Variants in KSR2 observed in about 807,000 individuals in gnomAD.
KSR2 encodes kinase suppressor of ras 2.
In KSR2, 25 loss-of-function variants were observed where a neutral mutation model predicts 107.8. The observed-to-expected ratio is 0.23, with a 90% CI of 0.17 to 0.32. The LOEUF (loss-of-function observed/expected upper bound fraction) is 0.32. Ranked by LOEUF, KSR2 falls within the 10% of genes least tolerant of loss-of-function variation. The pLI is 1.00. For missense variants in KSR2, 887 were observed against 1,268.9 expected, an observed-to-expected ratio of 0.70 and a Z score of 4.57; for synonymous variants, 480 against 507.0, an observed-to-expected ratio of 0.95 and a Z score of 0.71.
intron 1 of KSR2, among the ~76,000 whole-genome samples, chr12:117,887,956 G>T (rs1894226243): frequency 1.3e-5 from 2 of 152,194 alleles, no homozygotes; most frequent in Admixed American, 1.3e-4. Context: ...TGTCTCAAGA[G>T]CAGGCTGCTC....
At chr12:117,953,774 A>C (rs1251134384) in intron 1 of KSR2, among the ~76,000 whole-genome samples, 1 of 152,218 alleles carries the variant, frequency 6.6e-6, no homozygotes, top group Non-Finnish European at 1.5e-5. Flanking sequence ...ACTTAAGGCC[A>C]ATGAATTATA....
chr12:117,913,051 A>G (rs565172240), intron 1 of KSR2, among the ~76,000 whole-genome samples: 1 of 152,170 alleles, frequency 6.6e-6, no homozygotes, highest in Admixed American at 6.6e-5. Flanking sequence ...CGGGGCAGGA[A>G]GCAGGAAGGT....
At chr12:117,585,096 G>A (rs1462994311) in intron 5 of KSR2, among the ~76,000 whole-genome samples, 2 of 152,170 alleles carry the variant, frequency 1.3e-5, no homozygotes, top group Non-Finnish European at 2.9e-5. Flanking sequence ...CCAGCATCTG[G>A]TGGGGAGAGA....
At chr12:117,574,054 T>G (rs139448307) in intron 7 of KSR2, among the ~76,000 whole-genome samples, 37 of 152,228 alleles carry the variant, frequency 2.4e-4, no homozygotes, top group Middle Eastern at 3.4e-3. Flanking sequence ...CTACTTCTAA[T>G]GTAGAGTGGT....
chr12:117,492,618 C>G (rs1292134407), intron 14 of KSR2, among the ~76,000 whole-genome samples: 1 of 152,218 alleles, frequency 6.6e-6, no homozygotes, highest in African/African-American at 2.4e-5. Flanking sequence ...ATCCCTGGAA[C>G]TGGTGAAAAT....
intron 9 of KSR2, among the ~76,000 whole-genome samples, chr12:117,542,471 C>A (rs1876571538): frequency 6.6e-6 from 1 of 152,052 alleles, no homozygotes; most frequent in African/African-American, 2.4e-5. Context: ...AGTACAATAT[C>A]ACAGCCCAGA....
intron 1 of KSR2, among the ~76,000 whole-genome samples, chr12:117,924,572 CAAAAAAAAAAAAA>C (rs58789868): frequency 7.6e-5 from 3 of 39,522 alleles, no homozygotes; most frequent in South Asian, 1.2e-3. Flanking sequence ...AGCTCCATCT[CAAAAAAAAAAAAA>C]AAAAAAAAAA....
intron 1 of KSR2, among the ~76,000 whole-genome samples, chr12:117,867,519 G>A (rs145140912): frequency 5.3e-5 from 8 of 152,240 alleles, no homozygotes; most frequent in East Asian, 1.9e-4. Flanking sequence ...CTGTGTCCAC[G>A]CCTTTTCAAT....
At chr12:117,766,722 T>C (rs1000711570) in intron 3 of KSR2, among the ~76,000 whole-genome samples, 2 of 151,630 alleles carry the variant, frequency 1.3e-5, no homozygotes, top group Non-Finnish European at 2.9e-5. Context: ...AGCCCAGAAC[T>C]TGAAGGTGAA....
chr12:117,622,263 C>G (rs1026719641), intron 5 of KSR2, among the ~76,000 whole-genome samples: 1 of 152,006 alleles, frequency 6.6e-6, no homozygotes, highest in Non-Finnish European at 1.5e-5. Flanking sequence ...ATGTGATTCA[C>G]TCAGGATTAA....
chr12:117,923,814 T>C (rs906651896), intron 1 of KSR2, among the ~76,000 whole-genome samples: 6 of 152,054 alleles, frequency 3.9e-5, no homozygotes, highest in African/African-American at 1.4e-4. Flanking sequence ...GGTGTGCTGC[T>C]TTATTCAGTA....
intron 3 of KSR2, among the ~76,000 whole-genome samples, chr12:117,785,273 G>A (rs528079317): frequency 2.9e-4 from 44 of 151,968 alleles, no homozygotes; most frequent in African/African-American, 1.0e-3. Flanking sequence ...AAATTAGCTG[G>A]GCATGGTGGC....
intron 3 of KSR2, among the ~76,000 whole-genome samples, chr12:117,826,916 C>T (rs945707840): frequency 6.6e-6 from 1 of 151,152 alleles, no homozygotes; most frequent in African/African-American, 2.4e-5. Flanking sequence ...TGAACCCCAT[C>T]TCTACAAAAA....
intron 1 of KSR2, among the ~76,000 whole-genome samples, chr12:117,909,232 C>T (rs1593360573): frequency 6.6e-6 from 1 of 152,330 alleles, no homozygotes; most frequent in South Asian, 2.1e-4. Flanking sequence ...GGAAAGGGGG[C>T]TCTTCAGCCT....
chr12:117,563,056 T>G (rs1440945927), intron 7 of KSR2, among the ~76,000 whole-genome samples: 2 of 152,152 alleles, frequency 1.3e-5, no homozygotes, highest in Admixed American at 6.5e-5. Context: ...TATGTCCCTC[T>G]TAATGGAAAC....
intron 3 of KSR2, among the ~76,000 whole-genome samples, chr12:117,763,014 A>G (rs955492668): frequency 3.4e-4 from 52 of 152,038 alleles, no homozygotes; most frequent in African/African-American, 1.1e-3. Context: ...AACATTAGGT[A>G]TATCTCCTAA....
Position 117,578,285 on chromosome 12 carries a change from G to A in KSR2, c.1325+834C>T, listed in dbSNP as rs147962059. ...CTGGTTTAAAAAGGTACCATGAGGA[G>A]AAAGAAAAAGGAGAGAAAGGCTTGG... On this transcript the variant is annotated intron_variant, in intron 7 of 19. Coordinates refer to ENST00000339824, the MANE Select transcript of KSR2 (RefSeq NM_173598.6). 9.0e-3 allele frequency among the ~76,000 whole-genome samples: 1,364 copies of A among 152,104 alleles called. 11 individuals are homozygous for A. The highest frequency in any genetic ancestry group is 0.013 in the Non-Finnish European group (916 of 67,970).
rs1185311344 is a variant in KSR2 at position 117,842,630 on chromosome 12, C to T, written c.472+12798G>A. Among the ~76,000 whole-genome samples the T allele has an allele frequency of 1.4e-4, 22 of 152,204 alleles. No individual in the cohort carries two copies. ...TGCACCCAATTCTTCTGCCCAGCACCTCGTGGATGCCAGGAATAAAAAGAG... is the reference window on the plus strand; with the variant it reads ...TGCACCCAATTCTTCTGCCCAGCACTTCGTGGATGCCAGGAATAAAAAGAG... On this transcript the variant is annotated intron_variant, in intron 3 of 19. Coordinates refer to ENST00000339824, the MANE Select transcript of KSR2 (RefSeq NM_173598.6). The surrounding 1 kb of genome is among the most constrained non-coding windows in gnomAD (Gnocchi z 4.2).
intron 4 of KSR2, among the ~76,000 whole-genome samples, chr12:117,749,973 C>T (rs748669633): frequency 5.9e-5 from 9 of 152,040 alleles, no homozygotes; most frequent in Non-Finnish European, 1.2e-4. Context: ...TCTGGCTGGG[C>T]GCAATGGCTG....
Sources: allele counts gnomAD v4.1 joint callset (sites outside exome capture counted in the v4.1 genomes callset), GRCh38; gene constraint gnomAD v4.1.1; non-coding constraint Gnocchi (gnomAD v3.1); transcripts MANE v1.5; gene names NCBI Gene and HGNC (gene_info 2026-07-23, HGNC 2026-07-21).